The following BABAM2 variants were observed in gnomAD, a reference collection of about 807,000 sequenced individuals.
BABAM2 encodes the protein BRISC and BRCA1 A complex member 2.
Under a neutral mutation model 54.7 loss-of-function variants are expected in BABAM2, and 31 were observed. The observed-to-expected ratio is 0.57, with a 90% CI of 0.43 to 0.77. The LOEUF (loss-of-function observed/expected upper bound fraction) is 0.77, where lower values mean the gene tolerates loss of function less well. Among genes scored for constraint, BABAM2 ranks in the 30% least tolerant of loss-of-function variants. The probability of loss-of-function intolerance (pLI) is 0.00; values close to 1 mark genes in which losing one functional copy is unlikely to be tolerated. For missense variants in BABAM2, 364 were observed against 455.8 expected (o/e 0.80, Z 1.83); for synonymous variants, 167 against 162.9 (o/e 1.03, Z -0.19).
chr2:27,969,585 C>CT (rs1671060110), intron 3 of BABAM2, among the ~76,000 whole-genome samples: 1 of 152,172 alleles, frequency 6.6e-6, no homozygotes, highest in Non-Finnish European at 1.5e-5. Flanking sequence ...AAGCTACCTT[C>CT]TAGGCCAGGT....
At chr2:28,189,484 G>C (rs1431735118) in intron 7 of BABAM2, among the ~76,000 whole-genome samples, 1 of 152,182 alleles carries the variant, frequency 6.6e-6, no homozygotes, top group South Asian at 2.1e-4. Flanking sequence ...GCACATGGTA[G>C]TTGCACAGAA....
chr2:28,118,548 C>T (rs932671493), intron 6 of BABAM2, among the ~76,000 whole-genome samples: 8 of 152,088 alleles, frequency 5.3e-5, no homozygotes, highest in African/African-American at 1.9e-4. Context: ...ATATCCTTTG[C>T]CCACTTTTTG....
chr2:27,998,252 C>T (rs1362279551), intron 4 of BABAM2, among the ~76,000 whole-genome samples: 1 of 151,982 alleles, frequency 6.6e-6, no homozygotes, highest in Non-Finnish European at 1.5e-5. Context: ...CGCTCTTTGT[C>T]GCCTCCTCTT....
chr2:28,046,502 A>G (rs758063964), intron 6 of BABAM2, among the ~76,000 whole-genome samples: 7 of 151,892 alleles, frequency 4.6e-5, no homozygotes, highest in Non-Finnish European at 1.0e-4. Flanking sequence ...AAACAAAAAG[A>G]TTTGGCTGGC....
chr2:28,040,552 G>A (rs1677019418), intron 5 of BABAM2, among the ~76,000 whole-genome samples: 2 of 151,736 alleles, frequency 1.3e-5, no homozygotes, highest in Non-Finnish European at 2.9e-5. Flanking sequence ...CGCCCGCCTC[G>A]GCCTCCCAAA....
intron 11 of BABAM2, chr2:28,308,321 C>A: frequency 2.2e-6 from 1 of 458,824 alleles, no homozygotes; most frequent in South Asian, 1.7e-5. Context: ...CAGTGTGGCT[C>A]TGCAGGCAGC....
chr2:28,250,975 C>G (rs1283095675), intron 10 of BABAM2, among the ~76,000 whole-genome samples: 1 of 152,168 alleles, frequency 6.6e-6, no homozygotes, highest in Non-Finnish European at 1.5e-5. Flanking sequence ...TGTATCTTTG[C>G]AAGACTTTGA....
chr2:28,285,338 A>C (rs1686701582), intron 10 of BABAM2, among the ~76,000 whole-genome samples: 1 of 151,986 alleles, frequency 6.6e-6, no homozygotes, highest in Admixed American at 6.6e-5. Context: ...GCTGTTCCCC[A>C]CCCATCTTGC....
intron 7 of BABAM2, among the ~76,000 whole-genome samples, chr2:28,171,408 G>A (rs1674308837): frequency 6.6e-6 from 1 of 152,154 alleles, no homozygotes; most frequent in Non-Finnish European, 1.5e-5. Context: ...GGAATGGTTA[G>A]CGACCCACTA....
chr2:28,219,821 G>T lies in BABAM2; in HGVS notation c.681-17381G>T, dbSNP rs367692639. Among the ~76,000 whole-genome samples, 15 of 152,270 alleles carry T rather than the reference G, an allele frequency of 9.9e-5. No individual in the cohort carries two copies. The East Asian group carries it at 1.9e-3, about 20-fold the overall frequency. Reference sequence around the variant, plus strand: ...ATAGTGCTTGAAGGTTGCTTGAGCCGCTGCGGAGCCAAGCAAGCACGTAGG... The same window carrying T: ...ATAGTGCTTGAAGGTTGCTTGAGCCTCTGCGGAGCCAAGCAAGCACGTAGG... On this transcript the variant is annotated intron_variant, in intron 7 of 11. Coordinates refer to ENST00000379624, the MANE Select transcript of BABAM2 (RefSeq NM_199191.3).
chr2:28,112,589 T>G (rs1668233328), intron 6 of BABAM2, among the ~76,000 whole-genome samples: 1 of 152,196 alleles, frequency 6.6e-6, no homozygotes, highest in Non-Finnish European at 1.5e-5. Flanking sequence ...TGCCATATTT[T>G]CTTTTTCCAG....
intron 7 of BABAM2, among the ~76,000 whole-genome samples, chr2:28,173,022 G>A (rs1248393777): frequency 6.6e-6 from 1 of 152,148 alleles, no homozygotes; most frequent in Non-Finnish European, 1.5e-5. Context: ...GAAAGTTTGT[G>A]AACTGTCTGG....
intron 10 of BABAM2, among the ~76,000 whole-genome samples, chr2:28,246,554 G>T (rs980206050): frequency 6.6e-6 from 1 of 152,158 alleles, no homozygotes; most frequent in East Asian, 1.9e-4. Context: ...CTCCTGAGTG[G>T]CTGTGGACAA....
intron 11 of BABAM2, among the ~76,000 whole-genome samples, chr2:28,316,994 T>C (rs1216071159): frequency 6.6e-6 from 1 of 152,178 alleles, no homozygotes; most frequent in Non-Finnish European, 1.5e-5. Context: ...GGCACCCTTG[T>C]TGGTTGGTTT....
At chr2:28,094,592 TA>T (rs1666435686) in intron 6 of BABAM2, among the ~76,000 whole-genome samples, 1 of 152,144 alleles carries the variant, frequency 6.6e-6, no homozygotes, top group Non-Finnish European at 1.5e-5. Context: ...AGTCCCACCC[TA>T]AAATTAATGT....
chr2:28,037,307 G>A (rs557596038), intron 5 of BABAM2, among the ~76,000 whole-genome samples: 5 of 152,050 alleles, frequency 3.3e-5, no homozygotes, highest in African/African-American at 9.6e-5. Flanking sequence ...TATGCAAATG[G>A]TAACGTATAT....
At chr2:28,316,153 A>G (rs543899113) in intron 11 of BABAM2, among the ~76,000 whole-genome samples, 1 of 152,268 alleles carries the variant, frequency 6.6e-6, no homozygotes, top group East Asian at 1.9e-4. Flanking sequence ...CTAAAAAGTC[A>G]TTTATCTGAC....
At chr2:28,191,481 A>G (rs1407822045) in intron 7 of BABAM2, among the ~76,000 whole-genome samples, 2 of 152,236 alleles carry the variant, frequency 1.3e-5, no homozygotes, top group Non-Finnish European at 2.9e-5. Flanking sequence ...CAAGAGGTGG[A>G]AACAACCCAA....
chr2:27,978,982 T>G (rs1671802036), intron 3 of BABAM2, among the ~76,000 whole-genome samples: 1 of 152,168 alleles, frequency 6.6e-6, no homozygotes, highest in Non-Finnish European at 1.5e-5. Flanking sequence ...CATTCTTTTT[T>G]ATGGCTGTGT....
Sources: gnomAD v4.1 joint callset for allele counts (sites outside exome capture counted in the v4.1 genomes callset) on GRCh38, gnomAD v4.1.1 for gene constraint, MANE v1.5 for transcripts, NCBI Gene and HGNC (gene_info 2026-07-23, HGNC 2026-07-21) for gene names.